Variants in ZNF91 observed in about 807,000 individuals in gnomAD.
The protein encoded by ZNF91 is zinc finger protein 91.
In ZNF91, 7 loss-of-function variants were observed where a neutral mutation model predicts 12.6. The ratio of observed to expected loss-of-function variants is 0.55; its 90% CI spans 0.31 to 1.04. ZNF91 has a LOEUF of 1.04. Ranked by LOEUF, ZNF91 falls within the 50% of genes least tolerant of loss-of-function variation. The pLI is 0.05. For synonymous variants in ZNF91, 453 were observed against 462.6 expected (o/e 0.98, Z 0.27); for missense variants, 1,217 against 1,385.4 (o/e 0.88, Z 1.93).
chr19:23,371,326 CAA>C (rs1450227759), intron 3 of ZNF91, among the ~76,000 whole-genome samples: 1 of 150,944 alleles, frequency 6.6e-6, no homozygotes, highest in Non-Finnish European at 1.5e-5. Flanking sequence ...GCCTCAGCAA[CAA>C]GAGCAAAACT....
intron 1 of ZNF91, among the ~76,000 whole-genome samples, chr19:23,384,125 A>G (rs748832912): frequency 6.6e-6 from 1 of 152,196 alleles, no homozygotes. Context: ...AATTAAAATT[A>G]AAATTAAAGG....
At chr19:23,345,601 C>T (rs904911243) in intron 3 of ZNF91, among the ~76,000 whole-genome samples, 2 of 152,086 alleles carry the variant, frequency 1.3e-5, no homozygotes, top group South Asian at 2.1e-4. Context: ...TTCCTCTTCC[C>T]GACCCTACCT....
intron 3 of ZNF91, among the ~76,000 whole-genome samples, chr19:23,352,628 T>C (rs188473192): frequency 1.2e-4 from 18 of 152,286 alleles, no homozygotes; most frequent in Admixed American, 2.6e-4. Context: ...TAACATTGAA[T>C]GTAAATGGCC....
At chr19:23,373,346 TTATATATATATATATA>T (rs200251921) in intron 3 of ZNF91, among the ~76,000 whole-genome samples, 298 of 85,800 alleles carry the variant, frequency 3.5e-3, no homozygotes, top group Middle Eastern at 8.6e-3. Flanking sequence ...TCATGTAATC[TTATATATATATATATA>T]TATATATATA....
rs112713994 is a variant in ZNF91, at chr19:23,362,714, G to C, written c.265C>G (p.His89Asp). 0.049 allele frequency: 71,671 copies of C among 1,465,682 alleles called. 2,057 individuals are homozygous for C. The highest frequency in any genetic ancestry group is 0.057 in the Non-Finnish European group (63,311 of 1,109,232). 90.8% of individuals were successfully genotyped at this position (1,465,682 alleles called of 1,614,324 possible). ...MVDEPTGICP[H>D]FPQDFWPEQS... ...TCTGGCCAAAAGTCTTGAGGAAAAT[G>C]AGGACATATACCTGAAAAAAAAAAA... The change falls in exon 4 of 4, where the codon CAT becomes GAT. Residue 89 changes from histidine (H) to aspartate (D), a missense_variant. His to Asp is a moderately conservative substitution (Grantham distance 81, BLOSUM62 -1). Coordinates refer to ENST00000300619, the MANE Select transcript of ZNF91 (RefSeq NM_003430.4).
At chr19:23,317,625 C>T (rs573794291) in intron 1 of ZNF91, among the ~76,000 whole-genome samples, 14 of 152,234 alleles carry the variant, frequency 9.2e-5, no homozygotes, top group African/African-American at 2.4e-4. Flanking sequence ...CACGTGAACA[C>T]GGCCAACTTT....
Position 23,361,008 on chromosome 19 carries a change from G to C in ZNF91, c.1971C>G (p.Pro657=), listed in dbSNP as rs763211216. The C allele has an allele frequency of 6.2e-6, 10 of 1,602,856 alleles. No homozygotes were observed. Among genetic ancestry groups the C allele is most frequent in the South Asian group, 1.1e-5 (1 of 90,384 alleles). The change falls in exon 4 of 4, where the codon CCC becomes CCG. Residue 657 remains proline (P), a synonymous_variant. Transcript: ENST00000300619. ...CTTTGCCACATTCTTTACATTTGTA[G>C]GGTTTCTCTCCAGTATGAATTCTCT... ...KHKRIHTGEK[P]YKCKECGKAF...
intron 3 of ZNF91, among the ~76,000 whole-genome samples, chr19:23,341,055 ATTTTTTTT>A (rs199646954): frequency 7.2e-6 from 1 of 138,614 alleles, no homozygotes; most frequent in South Asian, 2.3e-4. Context: ...TAAAACTGCC[ATTTTTTTT>A]TTTTTTTTTG....
At position 23,328,851 on chromosome 19, in the gene ZNF91, T is replaced by C. The variant is rs570424285; in HGVS notation, n.117-19754A>G. The C allele has an allele frequency of 1.9e-3, 282 of 152,356 alleles. 3 individuals are homozygous for C. Among genetic ancestry groups the C allele is most frequent in the African/African-American group, 6.7e-3 (278 of 41,564 alleles). 9.4% of individuals were successfully genotyped at this position (152,356 alleles called of 1,614,324 possible). ...ATAGATAACTTCCTGATCTTGGATT[T>C]TATAGCTGGGTGGATGGTGGTGCCT... On this transcript the variant is annotated intron_variant and non_coding_transcript_variant, in intron 1 of 1. Transcript: ENST00000596528.
chr19:23,327,165 C>G (rs901176600), intron 1 of ZNF91: 4 of 152,042 alleles, frequency 2.6e-5, no homozygotes, highest in Admixed American at 2.6e-4. Flanking sequence ...TACCAGAAAC[C>G]TACAGGGTAT....
chr19:23,331,695 T>C (rs1025228875), intron 1 of ZNF91, among the ~76,000 whole-genome samples: 7 of 152,222 alleles, frequency 4.6e-5, no homozygotes, highest in African/African-American at 1.4e-4. Context: ...CTGTGCGCCT[T>C]TGTTACTCTG....
At chr19:23,350,848 C>A (rs1968346222) in intron 3 of ZNF91, among the ~76,000 whole-genome samples, 1 of 152,042 alleles carries the variant, frequency 6.6e-6, no homozygotes, top group Non-Finnish European at 1.5e-5. Flanking sequence ...GACTATAAAA[C>A]CCCTGCCCTG....
chr19:23,359,536 A>C lies in ZNF91; in HGVS notation c.3443T>G (p.Ile1148Ser). The C allele has an allele frequency of 6.2e-7, 1 of 1,613,422 alleles. No homozygotes were observed. The highest frequency in any genetic ancestry group is 8.5e-7 in the Non-Finnish European group (1 of 1,179,772). The change falls in exon 4 of 4, where the codon ATC (isoleucine) becomes AGC (serine). Residue 1148 changes from isoleucine to serine, a missense_variant. Coordinates refer to ENST00000300619, the MANE Select transcript of ZNF91 (RefSeq NM_003430.4). ...ATGAATTTTCTTATGGTTAGTAAGGATTGAAGACTGGTTAAAGGCTTTGCC... is the reference window on the plus strand; with the variant it reads ...ATGAATTTTCTTATGGTTAGTAAGGCTTGAAGACTGGTTAAAGGCTTTGCC... ...KCGKAFNQSS[I>S]LTNHKKIHTI... is the part of the protein sequence containing the mutation.
downstream of ZNF91, among the ~76,000 whole-genome samples, chr19:23,336,855 C>T (rs1036130634): frequency 6.9e-4 from 105 of 152,136 alleles, no homozygotes; most frequent in African/African-American, 2.3e-3. Flanking sequence ...CTGCAGGCTC[C>T]GCCCCCCAGG....
At chr19:23,374,050 T>C (rs17554633) in intron 2 of ZNF91, among the ~76,000 whole-genome samples, 11,869 of 152,148 alleles carry the variant, frequency 0.078, 593 homozygotes, top group East Asian at 0.13. Flanking sequence ...AAACTGGTGA[T>C]GGCAATTAGA....
At chr19:23,370,789 A>G (rs1969246004) in intron 3 of ZNF91, among the ~76,000 whole-genome samples, 1 of 152,168 alleles carries the variant, frequency 6.6e-6, no homozygotes, top group Non-Finnish European at 1.5e-5. Context: ...TACAGAAGTG[A>G]GCCACCACCA....
At position 23,376,641 on chromosome 19, in the gene ZNF91, G is replaced by A. The variant is rs551700977; in HGVS notation, c.31-1877C>T. ...CAACCTCAGGTGATCTGCCCGCCTC[G>A]GCCTCCCAAAGTGCTGGGATTACAG... On this transcript the variant is annotated intron_variant, in intron 1 of 3. Transcript: ENST00000300619. Among the ~76,000 whole-genome samples the A allele has an allele frequency of 2.0e-5, 3 of 152,042 alleles. No homozygotes were observed. In the East Asian group the frequency reaches 5.8e-4, roughly 29 times the overall value.
At chr19:23,387,013 C>T (rs998114906) in intron 1 of ZNF91, among the ~76,000 whole-genome samples, 16 of 152,036 alleles carry the variant, frequency 1.1e-4, no homozygotes, top group Admixed American at 6.6e-5. Context: ...AGATGCTTTT[C>T]GAAAGAAGAC....
At chr19:23,339,996 T>C (rs1278067534) in intron 3 of ZNF91, 1 of 142,590 alleles carries the variant, frequency 7.0e-6, no homozygotes, top group South Asian at 2.2e-4. Flanking sequence ...GGAAAAAAGA[T>C]GGAAATAGAA....
Sources: gnomAD v4.1 joint callset for allele counts (sites outside exome capture counted in the v4.1 genomes callset) on GRCh38, gnomAD v4.1.1 for gene constraint, MANE v1.5 for transcripts, NCBI Gene and HGNC (gene_info 2026-07-23, HGNC 2026-07-21) for gene names.